The following CACUL1 variants were observed in gnomAD, a reference collection of about 807,000 sequenced individuals.
The protein encoded by CACUL1 is CDK2 associated cullin domain 1, also known as CDK2-associated and cullin domain-containing protein 1.
A neutral mutation model predicts 45.2 loss-of-function variants in CACUL1; 13 were observed. The observed-to-expected ratio is 0.29, with a 90% CI of 0.19 to 0.46. CACUL1 has a LOEUF of 0.46. Ranked by LOEUF, CACUL1 falls within the 20% of genes least tolerant of loss-of-function variation. The pLI, the probability that CACUL1 is intolerant of heterozygous loss-of-function variation, is 1.00. For missense variants in CACUL1, 421 were observed against 471.4 expected, an observed-to-expected ratio of 0.89 and a Z score of 0.99; for synonymous variants, 197 against 174.2, an observed-to-expected ratio of 1.13 and a Z score of -1.03.
rs1429870820 is a variant in CACUL1 at position 118,701,246 on chromosome 10, AAAAG to A, written c.796+56_796+59del. On this transcript the variant is annotated intron_variant, in intron 5 of 8. Transcript: ENST00000369151. ...GTGACAATGCTCTCAGACCAAAAAA[AAAAG>A]AAAAAGGAAAGATCATTGCTAGTGT... 1.6e-5 allele frequency: 16 copies of A among 1,011,180 alleles called. No homozygotes were observed. In the Admixed American group the frequency reaches 3.8e-4, roughly 24 times the overall value. The allele number at this position is 1,011,180 out of a possible 1,614,324, so 62.6% of individuals were successfully genotyped here.
chr10:118,687,351 G>C (rs1417512886), intron 7 of CACUL1, among the ~76,000 whole-genome samples: 1 of 152,138 alleles, frequency 6.6e-6, no homozygotes, highest in African/African-American at 2.4e-5. Flanking sequence ...ACACTGGCAA[G>C]TTTACCATGA....
In CACUL1 at chr10:118,685,934, T is replaced by C. The variant is rs911110400; in HGVS notation, c.*194A>G. ...CCCATTTCAAAATCACCCCCAAGTC[T>C]AGCAGCAACGTTTTTTTTTTTTTTA... On this transcript the variant is annotated 3_prime_UTR_variant, in exon 9 of 9. Coordinates refer to ENST00000369151, the MANE Select transcript of CACUL1 (RefSeq NM_153810.5). 3.6e-5 allele frequency: 15 copies of C among 416,448 alleles called. No individual in the cohort carries two copies. Among genetic ancestry groups the C allele is most frequent in the Non-Finnish European group, 6.0e-5 (14 of 232,804 alleles). 25.8% of individuals were successfully genotyped at this position (416,448 alleles called of 1,614,324 possible). A position where few individuals can be genotyped will look rare whatever the true frequency, so the allele number is the denominator to read the frequency against.
Position 118,701,306 on chromosome 10 carries a change from G to A in CACUL1, c.796C>T (p.Pro266Ser), listed in dbSNP as rs909395425. ...VAEKHIYSLM[P>S]LLLEAQSTPF... ...CACCCGTATAAGCTGAATTACTTACGCATTAGGCTGTAAATGTGCTTTTCT... is the reference window on the plus strand; with the variant it reads ...CACCCGTATAAGCTGAATTACTTACACATTAGGCTGTAAATGTGCTTTTCT... The change falls in exon 5 of 9, where the codon CCT (proline) becomes TCT (serine). Residue 266 changes from proline to serine, a missense_variant and splice_region_variant. Pro to Ser is a moderately conservative substitution (Grantham distance 74). Coordinates refer to ENST00000369151, the MANE Select transcript of CACUL1 (RefSeq NM_153810.5). The A allele has an allele frequency of 5.3e-6, 8 of 1,507,052 alleles. No individual in the cohort carries two copies. The highest frequency in any genetic ancestry group is 2.7e-5 in the African/African-American group (2 of 72,766). The allele number at this position is 1,507,052 out of a possible 1,614,324, so 93.4% of individuals were successfully genotyped here. A position where few individuals can be genotyped will look rare whatever the true frequency, so the allele number is the denominator to read the frequency against.
chr10:118,717,705 TA>T (rs1251246666), intron 3 of CACUL1, among the ~76,000 whole-genome samples: 3 of 152,146 alleles, frequency 2.0e-5, no homozygotes, highest in African/African-American at 7.2e-5. Context: ...AATGAATCAT[TA>T]AAGGCCAAGT....
chr10:118,712,778 C>T (rs549474653), intron 3 of CACUL1, among the ~76,000 whole-genome samples: 6 of 152,228 alleles, frequency 3.9e-5, no homozygotes, highest in Non-Finnish European at 7.3e-5. Context: ...GTCATCTCAA[C>T]AACTGTTCAA....
At chr10:118,693,226 C>T (rs1845289175) in intron 6 of CACUL1, 1 of 153,274 alleles carries the variant, frequency 6.5e-6, no homozygotes, top group East Asian at 1.9e-4. Context: ...CAAAGACCAG[C>T]ACTTGCGAAC....
At chr10:118,727,167 T>C (rs951669996) in intron 3 of CACUL1, among the ~76,000 whole-genome samples, 2 of 152,094 alleles carry the variant, frequency 1.3e-5, no homozygotes, top group African/African-American at 2.4e-5. Context: ...GGCTGGCAGA[T>C]CGCTTGAGTC....
chr10:118,691,216 C>G, intron 7 of CACUL1, 49 bp downstream of exon 7: 5 of 1,549,644 alleles, frequency 3.2e-6, no homozygotes, highest in Non-Finnish European at 4.4e-6. Flanking sequence ...CCAGACTGGC[C>G]TAGGGAAATG....
chr10:118,709,453 T>C (rs1429089251), intron 3 of CACUL1, among the ~76,000 whole-genome samples: 1 of 152,248 alleles, frequency 6.6e-6, no homozygotes, highest in African/African-American at 2.4e-5. Context: ...GTAATTTGTC[T>C]AAGACTAGAC....
intron 5 of CACUL1, among the ~76,000 whole-genome samples, chr10:118,696,305 G>A (rs981872779): frequency 2.0e-5 from 3 of 152,038 alleles, no homozygotes; most frequent in Admixed American, 1.3e-4. Context: ...ATACACTAAC[G>A]ACAGCTGATG....
Position 118,681,438 on chromosome 10 carries a change from G to A in CACUL1, c.*4690C>T, listed in dbSNP as rs891216258. 1.3e-5 allele frequency: 2 copies of A among 152,156 alleles called. No individual in the cohort carries two copies. Among genetic ancestry groups the A allele is most frequent in the Non-Finnish European group, 2.9e-5 (2 of 68,040 alleles). 9.4% of individuals were successfully genotyped at this position (152,156 alleles called of 1,614,324 possible). A position where few individuals can be genotyped will look rare whatever the true frequency, so the allele number is the denominator to read the frequency against. ...TGAACTGCCATCTGTTTAACAAAACGCACTCTTCTAAGAGAATACCCAGTC... is the reference window on the plus strand; with the variant it reads ...TGAACTGCCATCTGTTTAACAAAACACACTCTTCTAAGAGAATACCCAGTC... On this transcript the variant is annotated 3_prime_UTR_variant, in exon 9 of 9. Transcript: ENST00000369151.
intron 4 of CACUL1, among the ~76,000 whole-genome samples, chr10:118,706,607 C>A (rs1845434503): frequency 6.6e-6 from 1 of 152,164 alleles, no homozygotes; most frequent in Admixed American, 6.5e-5. Context: ...AGTTTTGGCA[C>A]TTAAACCAAA....
intron 1 of CACUL1, among the ~76,000 whole-genome samples, chr10:118,753,805 C>T (rs1845924008): frequency 6.6e-6 from 1 of 152,114 alleles, no homozygotes; most frequent in South Asian, 2.1e-4. Context: ...AAGACGATGT[C>T]GGAGCTGCCA....
Position 118,700,672 on chromosome 10 carries a change from A to G in CACUL1, c.796+634T>C, listed in dbSNP as rs1046503086. 2.7e-5 allele frequency among the ~76,000 whole-genome samples: 4 copies of G among 147,494 alleles called. No homozygotes were observed. In the South Asian group the frequency reaches 6.4e-4, roughly 24 times the overall value. ...GCAGAGCTTGCAGTGAGCCGAGATC[A>G]CACCACTGCACTCCAGTCTAGGCGA... On this transcript the variant is annotated intron_variant, in intron 5 of 8. Transcript: ENST00000369151.
At position 118,683,001 on chromosome 10, in the gene CACUL1, A is replaced by C. The variant is rs1845168469; in HGVS notation, c.*3127T>G. 1.3e-5 allele frequency: 2 copies of C among 152,202 alleles called. No homozygotes were observed. Among genetic ancestry groups the C allele is most frequent in the Admixed American group, 1.3e-4 (2 of 15,276 alleles). 9.4% of individuals were successfully genotyped at this position (152,202 alleles called of 1,614,324 possible). On this transcript the variant is annotated 3_prime_UTR_variant, in exon 9 of 9. Coordinates refer to ENST00000369151, the MANE Select transcript of CACUL1 (RefSeq NM_153810.5). ...AAGAACCATTAGGATAAAAGTCACA[A>C]CACCAGGTTTTGCTTTCTGCCCCAC...
Position 118,695,143 on chromosome 10 carries a change from G to C in CACUL1, c.884C>G (p.Pro295Arg). 1.3e-6 allele frequency: 2 copies of C among 1,554,722 alleles called. No homozygotes were observed. The highest frequency in any genetic ancestry group is 1.8e-6 in the Non-Finnish European group (2 of 1,126,124). Residue 295 changes from proline to arginine, a missense_variant and splice_region_variant, in exon 6 of 9, where the codon CCA becomes CGA. By Grantham distance (103) the Pro-to-Arg change is moderately radical. Transcript: ENST00000369151. ...CAACAGAAATGAGAAATGTTTACCT[G>C]GTCTGAGGGTATACAGGCCTTTCAC... ...NIVKGLYTLR[P>R]EWVQMAPTLF...
intron 4 of CACUL1, among the ~76,000 whole-genome samples, chr10:118,703,315 A>T (rs1845402639): frequency 7.0e-6 from 1 of 143,412 alleles, no homozygotes; most frequent in Admixed American, 6.9e-5. Context: ...TTTTCCCCCT[A>T]AAAAAAAAAA....
intron 5 of CACUL1, among the ~76,000 whole-genome samples, chr10:118,699,871 A>G (rs1589604688): frequency 6.6e-6 from 1 of 151,486 alleles, no homozygotes; most frequent in Non-Finnish European, 1.5e-5. Context: ...GATGATCTCA[A>G]TCTCCTGACC....
At chr10:118,715,900 G>A (rs1402143838) in intron 3 of CACUL1, among the ~76,000 whole-genome samples, 2 of 152,122 alleles carry the variant, frequency 1.3e-5, no homozygotes, top group African/African-American at 2.4e-5. Flanking sequence ...AGTAATGTAC[G>A]TTCATTGAAA....
Sources: gnomAD v4.1 joint callset for allele counts (sites outside exome capture counted in the v4.1 genomes callset) on GRCh38, gnomAD v4.1.1 for gene constraint, MANE v1.5 for transcripts, NCBI Gene and HGNC (gene_info 2026-07-23, HGNC 2026-07-21) for gene names.